Variants in RUFY3 observed in about 807,000 individuals in gnomAD.
RUFY3 encodes protein RUFY3.
A neutral mutation model predicts 84.0 loss-of-function variants in RUFY3; 34 were observed. The ratio of observed to expected loss-of-function variants is 0.40; its 90% confidence interval spans 0.31 to 0.54. The LOEUF is 0.54. Ranked by LOEUF, RUFY3 falls within the 20% of genes least tolerant of loss-of-function variation. The pLI is 0.39. For missense variants in RUFY3, 507 were observed against 736.8 expected, an observed-to-expected ratio of 0.69 and a Z score of 3.61; for synonymous variants, 242 against 252.9, an observed-to-expected ratio of 0.96 and a Z score of 0.41.
intron 1 of RUFY3, 48 bp from the exon 2 acceptor site, chr4:70,762,471 G>T (rs757511410): frequency 1.5e-5 from 23 of 1,513,568 alleles, no homozygotes; most frequent in Non-Finnish European, 1.9e-5. Flanking sequence ...ATTTTAAAAT[G>T]TGCTATTTCT....
chr4:70,738,210 G>A (rs1305309082), intron 1 of RUFY3, among the ~76,000 whole-genome samples: 3 of 145,894 alleles, frequency 2.1e-5, no homozygotes, highest in East Asian at 2.1e-4. Flanking sequence ...GCTGGTCGCC[G>A]CCTCCTGGAC....
In RUFY3 at chr4:70,730,261, A is replaced by T. The variant is rs541248571; in HGVS notation, c.178+7510A>T. Among the ~76,000 whole-genome samples, 27 of 152,260 alleles carry T rather than the reference A, an allele frequency of 1.8e-4. No homozygotes were observed. In the South Asian group the frequency reaches 5.6e-3, roughly 32 times the overall value. On this transcript the variant is annotated intron_variant, in intron 1 of 17. Transcript: ENST00000381006. ...TTCTATTAACCTTCTTTTAGGGATA[A>T]GGAGTCTGACATTGAGAGGTGATGC...
intron 1 of RUFY3, among the ~76,000 whole-genome samples, chr4:70,733,948 G>T (rs1327233063): frequency 6.6e-6 from 1 of 152,040 alleles, no homozygotes; most frequent in Non-Finnish European, 1.5e-5. Context: ...AAATTAACGG[G>T]TGTGCAATCA....
rs1195736579 is a variant in RUFY3, at chr4:70,756,994, G to T, written c.179-5525G>T. Among the ~76,000 whole-genome samples, 6 of 152,184 alleles carry T rather than the reference G, an allele frequency of 3.9e-5. No individual in the cohort carries two copies. The East Asian group carries it at 1.2e-3, about 29-fold the overall frequency. On this transcript the variant is annotated intron_variant, in intron 1 of 17. Coordinates refer to ENST00000381006, the MANE Select transcript of RUFY3 (RefSeq NM_001037442.4). The stretch of plus-strand genomic sequence containing the variant: ...AAAAAAAAATTTTTTTAATTAGCTG[G>T]GCATGGCGACCCATGCCTGTAATCT...
chr4:70,792,193 A>G (rs1730936784), intron 12 of RUFY3: 1 of 985,460 alleles, frequency 1.0e-6, no homozygotes, highest in African/African-American at 1.7e-5. Context: ...TAAAAAGGAC[A>G]GGGTATAGAC....
intron 1 of RUFY3, 95 bp downstream of exon 1, chr4:70,722,846 C>T (rs145324299): frequency 1.7e-6 from 2 of 1,211,208 alleles, no homozygotes; most frequent in Non-Finnish European, 2.3e-6. Context: ...AGAACCTACA[C>T]TCTCAACTGT....
At chr4:70,705,400 C>A in intron 1 of RUFY3, 1 of 779,826 alleles carries the variant, frequency 1.3e-6, no homozygotes, top group Non-Finnish European at 1.8e-6. Flanking sequence ...GTGACCCGAG[C>A]CGGGTGGCCG....
intron 4 of RUFY3, among the ~76,000 whole-genome samples, chr4:70,766,534 C>T (rs775811577): frequency 4.6e-5 from 7 of 152,078 alleles, no homozygotes; most frequent in South Asian, 2.1e-4. Context: ...CGTGAGCCAC[C>T]GCACCCGCCT....
intron 1 of RUFY3, among the ~76,000 whole-genome samples, chr4:70,729,962 C>T (rs1462886883): frequency 3.1e-5 from 4 of 127,534 alleles, no homozygotes; most frequent in South Asian, 2.5e-4. Context: ...GAGATGGAGT[C>T]TCGCTCTTGT....
rs1733038611 is a variant in RUFY3, at chr4:70,808,486, T to A, written c.*1827T>A. Among the ~76,000 whole-genome samples the A allele has an allele frequency of 1.3e-5, 2 of 152,242 alleles. No homozygotes were observed. The highest frequency in any genetic ancestry group is 2.1e-4 in the South Asian group (1 of 4,830). Reference sequence around the variant, plus strand: ...GGAAATATCCTGGAACCATGTTTTTTAATAAATTCTGTCTCTTGGAAAGAG... The same window carrying A: ...GGAAATATCCTGGAACCATGTTTTTAAATAAATTCTGTCTCTTGGAAAGAG... On this transcript the variant is annotated 3_prime_UTR_variant, in exon 18 of 18. Transcript: ENST00000381006.
At chr4:70,793,959 G>C (rs1292278277) in intron 13 of RUFY3, 55 bp downstream of exon 13, 5 of 1,582,704 alleles carry the variant, frequency 3.2e-6, no homozygotes, top group Middle Eastern at 1.9e-4. Context: ...TCTTAGGGTA[G>C]ACAGCAAGAA....
chr4:70,705,247 T>C (rs765626969), exon 1 of RUFY3: 18 of 1,452,294 alleles, frequency 1.2e-5, no homozygotes, highest in Non-Finnish European at 9.0e-7. Context: ...TTCCTGCTGC[T>C]GAGCTACCCG....
In RUFY3 at chr4:70,704,928, G is replaced by A. The variant is rs1208416094; in HGVS notation, c.-9G>A. 5 of 1,215,338 alleles carry A rather than the reference G, an allele frequency of 4.1e-6. No homozygotes were observed. The African/African-American group carries it at 4.7e-5, about 12-fold the overall frequency. The allele number at this position is 1,215,338 out of a possible 1,614,324, so 75.3% of individuals were successfully genotyped here. ...CGAATCGGAGGCTGCGGCGAAGGAAGGAGTGAGCATGGCTGAGACCCCGCC... is the reference window on the plus strand; with the variant it reads ...CGAATCGGAGGCTGCGGCGAAGGAAAGAGTGAGCATGGCTGAGACCCCGCC... On this transcript the variant is annotated 5_prime_UTR_variant, in exon 1 of 12. Coordinates refer to the RUFY3 transcript ENST00000417478.
Position 70,783,093 on chromosome 4 carries a change from T to C in RUFY3, c.897T>C (p.Leu299=). ...EKSNTKLTEE[L]AVANNRIITL... ...TATTTTTAAAATTTTATCCACAGCT[T>C]GCAGTTGCAAACAACAGGATCATTA... The change falls in exon 9 of 18, where the codon CTT becomes CTC. Residue 299 remains leucine (L), a splice_region_variant and synonymous_variant. Transcript: ENST00000381006. 6.3e-7 allele frequency: 1 copy of C among 1,590,922 alleles called. No individual in the cohort carries two copies. Among genetic ancestry groups the C allele is most frequent in the Non-Finnish European group, 8.6e-7 (1 of 1,165,886 alleles).
intron 16 of RUFY3, chr4:70,803,262 C>T: frequency 3.0e-6 from 1 of 333,860 alleles, no homozygotes; most frequent in Non-Finnish European, 5.4e-6. Context: ...TCTAGTTTTT[C>T]CTTACATAAA....
intron 1 of RUFY3, among the ~76,000 whole-genome samples, chr4:70,723,734 A>T (rs1717763047): frequency 6.6e-6 from 1 of 152,224 alleles, no homozygotes; most frequent in Non-Finnish European, 1.5e-5. Context: ...AATTCTTTAT[A>T]AACATCTGCC....
intron 1 of RUFY3, among the ~76,000 whole-genome samples, chr4:70,723,182 T>A (rs1255456814): frequency 1.1e-4 from 17 of 152,104 alleles, no homozygotes. Flanking sequence ...AACACCAGGG[T>A]ATTTGGTAAT....
At chr4:70,765,677 T>C (rs1190636245) in intron 4 of RUFY3, among the ~76,000 whole-genome samples, 3 of 152,138 alleles carry the variant, frequency 2.0e-5, no homozygotes, top group Non-Finnish European at 4.4e-5. Context: ...AAAAATAGCA[T>C]GTGATCAGTT....
At chr4:70,795,289 G>A (rs1375023619) in intron 14 of RUFY3, among the ~76,000 whole-genome samples, 1 of 152,120 alleles carries the variant, frequency 6.6e-6, no homozygotes, top group Non-Finnish European at 1.5e-5. Flanking sequence ...TTTCCTCAAT[G>A]TGGATTTGCT....
Sources: allele counts gnomAD v4.1 joint callset (sites outside exome capture counted in the v4.1 genomes callset), GRCh38; gene constraint gnomAD v4.1.1; transcripts MANE v1.5; gene names NCBI Gene and HGNC (gene_info 2026-07-23, HGNC 2026-07-21).